Variants in VEPH1 observed in about 807,000 individuals in gnomAD.
VEPH1 encodes the protein ventricular zone-expressed PH domain-containing protein homolog 1.
A neutral mutation model predicts 85.2 loss-of-function variants in VEPH1; 80 were observed. The observed-to-expected ratio is 0.94, with a 90% CI of 0.78 to 1.13. The LOEUF (loss-of-function observed/expected upper bound fraction) is 1.13. VEPH1 is among the 50% of genes most tolerant of loss of function. The probability of loss-of-function intolerance (pLI) is 0.00; values close to 1 mark genes in which losing one functional copy is unlikely to be tolerated. For synonymous variants in VEPH1, 297 were observed against 348.0 expected, an observed-to-expected ratio of 0.85 and a Z score of 1.63; for missense variants, 955 against 980.5, an observed-to-expected ratio of 0.97 and a Z score of 0.35.
intron 12 of VEPH1, among the ~76,000 whole-genome samples, chr3:157,277,134 A>T (rs562721592): frequency 1.3e-5 from 2 of 152,274 alleles, no homozygotes; most frequent in East Asian, 3.9e-4. Context: ...CAAGTGATCC[A>T]CCCACCTGGG....
rs536334762 is a variant in VEPH1 at position 157,325,930 on chromosome 3, C to G, written c.1736-8729G>C. Among the ~76,000 whole-genome samples, 6 of 152,280 alleles carry G rather than the reference C, an allele frequency of 3.9e-5. No homozygotes were observed. In the South Asian group the frequency reaches 1.2e-3, roughly 32 times the overall value. ...CTATAAATTATTTTGGACAATATGG[C>G]CATTTTCATGATATTGATTTTTCCT... is the stretch of plus-strand genomic sequence containing the variant. On this transcript the variant is annotated intron_variant, in intron 9 of 13. Transcript: ENST00000362010.
chr3:157,272,770 G>T (rs2108296747), intron 12 of VEPH1, among the ~76,000 whole-genome samples: 1 of 152,178 alleles, frequency 6.6e-6, no homozygotes, highest in Non-Finnish European at 1.5e-5. Flanking sequence ...GCCCCTGGGT[G>T]TTTTTCTGCT....
At chr3:157,416,089 A>G (rs1176788016) in intron 5 of VEPH1, among the ~76,000 whole-genome samples, 1 of 152,134 alleles carries the variant, frequency 6.6e-6, no homozygotes, top group Non-Finnish European at 1.5e-5. Flanking sequence ...TTGGATACCT[A>G]ATGCCTTATA....
At chr3:157,354,069 G>T (rs1385386453) in intron 9 of VEPH1, among the ~76,000 whole-genome samples, 1 of 152,092 alleles carries the variant, frequency 6.6e-6, no homozygotes, top group Non-Finnish European at 1.5e-5. Context: ...TGTAAACTAT[G>T]GACTCTAGAT....
At chr3:157,466,114 A>T (rs535097469) in intron 3 of VEPH1, among the ~76,000 whole-genome samples, 2 of 152,278 alleles carry the variant, frequency 1.3e-5, no homozygotes, top group South Asian at 4.1e-4. Flanking sequence ...GGTACGTTTT[A>T]ATTTTAATCA....
At chr3:157,375,822 G>C (rs1465276377) in intron 7 of VEPH1, among the ~76,000 whole-genome samples, 1 of 152,132 alleles carries the variant, frequency 6.6e-6, no homozygotes, top group Non-Finnish European at 1.5e-5. Context: ...AAAGTGAAGA[G>C]CAAGCATAAA....
chr3:157,451,687 C>G (rs2109308863), intron 4 of VEPH1, among the ~76,000 whole-genome samples: 1 of 152,136 alleles, frequency 6.6e-6, no homozygotes, highest in African/African-American at 2.4e-5. Context: ...AAAATATGAT[C>G]AAGGAAATAA....
intron 4 of VEPH1, among the ~76,000 whole-genome samples, chr3:157,435,796 T>C (rs1733526048): frequency 6.6e-6 from 1 of 152,256 alleles, no homozygotes; most frequent in Non-Finnish European, 1.5e-5. Flanking sequence ...CCTGTATATA[T>C]TGTTAGAAGC....
Position 157,495,221 on chromosome 3 carries a change from GCTAATTAT to G in VEPH1, c.121_128del (p.Ile41LeufsTer9). ...AAACCAGTTTACTTACTGAAGATGA[GCTAATTAT>G]CTTAATTTGCTCCAAAGCTTCTGTA... On this transcript the variant is annotated frameshift_variant, in exon 2 of 14. Transcript: ENST00000362010. LOFTEE classifies it high-confidence loss of function. 1 of 1,613,880 alleles carries G rather than the reference GCTAATTAT, an allele frequency of 6.2e-7. No homozygotes were observed. The highest frequency in any genetic ancestry group is 1.1e-5 in the South Asian group (1 of 91,042).
intron 2 of VEPH1, among the ~76,000 whole-genome samples, chr3:157,471,395 A>C (rs1736943652): frequency 1.3e-5 from 2 of 152,166 alleles, no homozygotes; most frequent in South Asian, 4.1e-4. Flanking sequence ...CAGAAGTGAA[A>C]ATTTCTGAGA....
rs753901706 is a variant in VEPH1 at position 157,437,795 on chromosome 3, A to C, written c.530-9307T>G. ...AGGCTGGCGCGTATGGAGGGCGCGGAGGCGCAGCGCCCAGAGGAGGCGGGG... is the reference window on the plus strand; with the variant it reads ...AGGCTGGCGCGTATGGAGGGCGCGGCGGCGCAGCGCCCAGAGGAGGCGGGG... On this transcript the variant is annotated intron_variant, in intron 4 of 13. Transcript: ENST00000362010. 5.4e-5 allele frequency: 79 copies of C among 1,463,778 alleles called. No homozygotes were observed. The South Asian group carries it at 6.2e-4, about 12-fold the overall frequency. The allele number at this position is 1,463,778 out of a possible 1,614,324, so 90.7% of individuals were successfully genotyped here. A position where few individuals can be genotyped will look rare whatever the true frequency, so the allele number is the denominator to read the frequency against.
At chr3:157,424,415 T>C (rs1469151347) in intron 5 of VEPH1, among the ~76,000 whole-genome samples, 6 of 152,202 alleles carry the variant, frequency 3.9e-5, no homozygotes, top group Non-Finnish European at 7.3e-5. Flanking sequence ...AAAAGATACC[T>C]GAAACTGTGG....
At chr3:157,470,809 G>A (rs1438954801) in intron 2 of VEPH1, among the ~76,000 whole-genome samples, 1 of 152,154 alleles carries the variant, frequency 6.6e-6, no homozygotes. Flanking sequence ...TTGCAAGTGG[G>A]TTTAATCTTT....
chr3:157,437,893 G>T (rs917212503), intron 4 of VEPH1: 21 of 1,521,166 alleles, frequency 1.4e-5, no homozygotes, highest in Non-Finnish European at 1.8e-5. Flanking sequence ...GGGCTGGGCT[G>T]CCCGGAGCTG....
chr3:157,299,054 A>G (rs1350694360), intron 11 of VEPH1, among the ~76,000 whole-genome samples: 3 of 152,214 alleles, frequency 2.0e-5, no homozygotes, highest in African/African-American at 7.2e-5. Context: ...TTTTAGTGAT[A>G]CAGCCTCTGC....
chr3:157,310,870 G>A (rs1191022492), intron 11 of VEPH1, among the ~76,000 whole-genome samples: 2 of 152,088 alleles, frequency 1.3e-5, no homozygotes, highest in African/African-American at 2.4e-5. Flanking sequence ...GGCCAGCCTT[G>A]CTTCAGTAGA....
chr3:157,379,247 T>C (rs1257417817), intron 7 of VEPH1, among the ~76,000 whole-genome samples: 1 of 152,176 alleles, frequency 6.6e-6, no homozygotes, highest in Non-Finnish European at 1.5e-5. Context: ...ACTGAACAAA[T>C]TATCTTTCCT....
chr3:157,391,003 A>G (rs1729805115), intron 6 of VEPH1, among the ~76,000 whole-genome samples: 1 of 152,238 alleles, frequency 6.6e-6, no homozygotes, highest in Non-Finnish European at 1.5e-5. Context: ...ACAGCCTTGC[A>G]TGGAGCTTGC....
intron 6 of VEPH1, among the ~76,000 whole-genome samples, chr3:157,404,349 C>T (rs759251638): frequency 1.3e-5 from 2 of 152,090 alleles, no homozygotes; most frequent in African/African-American, 2.4e-5. Flanking sequence ...AAAGCAAATG[C>T]AACCAGAAAA....
Sources: gnomAD v4.1 joint callset for allele counts (sites outside exome capture counted in the v4.1 genomes callset) on GRCh38, gnomAD v4.1.1 for gene constraint, MANE v1.5 for transcripts, NCBI Gene and HGNC (gene_info 2026-07-23, HGNC 2026-07-21) for gene names.